Variants in EPB41L2 observed in about 807,000 individuals in gnomAD.
The protein encoded by EPB41L2 is erythrocyte membrane protein band 4.1 like 2, also known as band 4.1-like protein 2.
In EPB41L2, 43 loss-of-function variants were observed where a neutral mutation model predicts 113.0. That is an observed-to-expected ratio of 0.38 (90% CI 0.30 to 0.49). The LOEUF (loss-of-function observed/expected upper bound fraction) is 0.49, where lower values mean the gene tolerates loss of function less well. Ranked by LOEUF, EPB41L2 falls within the 20% of genes least tolerant of loss-of-function variation. The probability of loss-of-function intolerance (pLI) is 0.95; values close to 1 mark genes in which losing one functional copy is unlikely to be tolerated. For missense variants in EPB41L2, 1,147 were observed against 1,223.4 expected (o/e 0.94, Z 0.93); for synonymous variants, 442 against 436.7 (o/e 1.01, Z -0.15).
chr6:130,888,796 A>G (rs1424531557), intron 11 of EPB41L2, among the ~76,000 whole-genome samples: 1 of 152,230 alleles, frequency 6.6e-6, no homozygotes, highest in Non-Finnish European at 1.5e-5. Context: ...TACATTAACA[A>G]TCAACTGAAT....
At chr6:130,985,959 C>T (rs774961228) in intron 1 of EPB41L2, among the ~76,000 whole-genome samples, 5 of 152,042 alleles carry the variant, frequency 3.3e-5, no homozygotes, top group Non-Finnish European at 7.4e-5. Context: ...CGAAAAGAAA[C>T]CCTTCCTAAC....
intron 1 of EPB41L2, among the ~76,000 whole-genome samples, chr6:131,045,388 CAG>C (rs1230471189): frequency 1.9e-5 from 2 of 106,014 alleles, no homozygotes; most frequent in Non-Finnish European, 4.3e-5. Flanking sequence ...GAGATGCTGG[CAG>C]AGATTCTTCT....
At chr6:130,899,663 G>A (rs1562433922) in intron 7 of EPB41L2, 85 bp from the exon 8 acceptor site, 1 of 1,298,044 alleles carries the variant, frequency 7.7e-7, no homozygotes, top group Non-Finnish European at 1.1e-6. Context: ...GTGCTCAGAG[G>A]GTTTGGAGGA....
At chr6:130,926,382 G>A (rs1804737359) in intron 4 of EPB41L2, among the ~76,000 whole-genome samples, 1 of 152,140 alleles carries the variant, frequency 6.6e-6, no homozygotes, top group South Asian at 2.1e-4. Flanking sequence ...TAAGTGCAAA[G>A]CATGTACACA....
intron 1 of EPB41L2, among the ~76,000 whole-genome samples, chr6:131,051,691 A>T (rs1480037455): frequency 6.6e-6 from 1 of 152,136 alleles, no homozygotes; most frequent in Non-Finnish European, 1.5e-5. Context: ...ATCTTTGAGG[A>T]CTGAGGTGAG....
chr6:130,917,936 T>C (rs1046533795), intron 4 of EPB41L2, among the ~76,000 whole-genome samples: 12 of 152,212 alleles, frequency 7.9e-5, no homozygotes, highest in Non-Finnish European at 1.8e-4. Context: ...ATTCACAGTG[T>C]ATGACTAAAT....
chr6:130,975,116 T>C (rs1777918862), intron 1 of EPB41L2, among the ~76,000 whole-genome samples: 1 of 152,216 alleles, frequency 6.6e-6, no homozygotes, highest in Admixed American at 6.5e-5. Context: ...ATTTCCAATA[T>C]GATTTAAATA....
intron 7 of EPB41L2, 102 bp from the exon 8 acceptor site, chr6:130,899,680 G>T: frequency 9.4e-7 from 1 of 1,060,368 alleles, no homozygotes; most frequent in Non-Finnish European, 1.4e-6. Flanking sequence ...AGGAGAGAAA[G>T]TTACCCAGCC....
At chr6:130,963,271 G>A (rs1233881691) in intron 1 of EPB41L2, among the ~76,000 whole-genome samples, 1 of 152,114 alleles carries the variant, frequency 6.6e-6, no homozygotes, top group East Asian at 1.9e-4. Context: ...TAGAAAATAA[G>A]GATTAAGAAA....
At chr6:130,889,752 G>C (rs73775337) in intron 11 of EPB41L2, among the ~76,000 whole-genome samples, 10,846 of 152,208 alleles carry the variant, frequency 0.071, 603 homozygotes, top group African/African-American at 0.14. Context: ...TCATGATCAA[G>C]AGAAATCAGT....
At chr6:130,894,826 C>T (rs1583177475) in intron 9 of EPB41L2, 141 bp downstream of exon 9, 1 of 949,148 alleles carries the variant, frequency 1.1e-6, no homozygotes, top group South Asian at 2.3e-5. Context: ...GCAATTTTAC[C>T]ATTAAGAACC....
At chr6:131,034,859 G>A (rs1196939858) in intron 1 of EPB41L2, among the ~76,000 whole-genome samples, 3 of 152,056 alleles carry the variant, frequency 2.0e-5, no homozygotes, top group African/African-American at 7.2e-5. Context: ...TAGTTCAAAA[G>A]AACAAACAAG....
At chr6:130,875,229 C>T (rs1787141369) in intron 14 of EPB41L2, among the ~76,000 whole-genome samples, 1 of 152,178 alleles carries the variant, frequency 6.6e-6, no homozygotes, top group Admixed American at 6.5e-5. Flanking sequence ...AAGGGAATCA[C>T]TGTTTCCTTA....
intron 1 of EPB41L2, among the ~76,000 whole-genome samples, chr6:131,007,785 T>C (rs1249531854): frequency 6.6e-6 from 1 of 152,182 alleles, no homozygotes; most frequent in Non-Finnish European, 1.5e-5. Context: ...AACTTTGAAC[T>C]TAAGAGAGAT....
chr6:131,009,245 C>A (rs1786339547), intron 1 of EPB41L2, among the ~76,000 whole-genome samples: 1 of 152,148 alleles, frequency 6.6e-6, no homozygotes, highest in South Asian at 2.1e-4. Flanking sequence ...GGCTTTCCCC[C>A]TTCAGTCGGC....
intron 1 of EPB41L2, among the ~76,000 whole-genome samples, chr6:131,049,386 G>A (rs1796107470): frequency 6.6e-6 from 1 of 152,134 alleles, no homozygotes; most frequent in South Asian, 2.1e-4. Context: ...TTGACATTCT[G>A]ACCTTTCCCA....
At chr6:130,951,312 C>CTTTTTTTTTTTTTTTTTTT (rs34082234) in intron 3 of EPB41L2, among the ~76,000 whole-genome samples, 2 of 50,846 alleles carry the variant, frequency 3.9e-5, no homozygotes, top group Non-Finnish European at 6.2e-5. Context: ...AGCCTCAGTA[C>CTTTTTTTTTTTTTTTTTTT]TTTTTTTTTT....
intron 4 of EPB41L2, among the ~76,000 whole-genome samples, chr6:130,924,240 T>C (rs6931804): frequency 0.27 from 41,801 of 152,104 alleles, 6,990 homozygotes; most frequent in Non-Finnish European, 0.37. Flanking sequence ...TATTCACCCA[T>C]TAATGGACAT....
chr6:130,865,538 T>C lies in EPB41L2; in HGVS notation c.2827A>G (p.Lys943Glu). 1 of 1,614,108 alleles carries C rather than the reference T, an allele frequency of 6.2e-7. No individual in the cohort carries two copies. Among genetic ancestry groups the C allele is most frequent in the Non-Finnish European group, 8.5e-7 (1 of 1,179,978 alleles). The stretch of plus-strand genomic sequence containing the variant: ...TATGATCCCCTGCATTGCTTTACCT[T>C]GGTGATGTGTGTGGTTGTCGTTGTT... ...VSTTTTTHIT[K>E]TVKGGISETR... Residue 943 changes from lysine (K) to glutamate (E), a missense_variant and splice_region_variant, in exon 17 of 20, where the codon AAG becomes GAG. Physicochemically the swap from Lys to Glu is moderately conservative, Grantham distance 56 (BLOSUM62 1). Coordinates refer to ENST00000337057, the MANE Select transcript of EPB41L2 (RefSeq NM_001431.4).
Sources: allele counts gnomAD v4.1 joint callset (sites outside exome capture counted in the v4.1 genomes callset), GRCh38; gene constraint gnomAD v4.1.1; transcripts MANE v1.5; gene names NCBI Gene and HGNC (gene_info 2026-07-23, HGNC 2026-07-21).